Variants in SGPL1 observed in about 807,000 individuals in gnomAD.
SGPL1 encodes the protein SP-lyase 1.
SGPL1 carries 37 observed loss-of-function variants against 68.9 expected under a neutral mutation model. The observed-to-expected ratio is 0.54, with a 90% CI of 0.41 to 0.71. The LOEUF is 0.71. SGPL1 is among the 30% of genes least tolerant of loss of function. SGPL1 has a pLI of 0.00. For synonymous variants in SGPL1, 236 were observed against 248.5 expected (o/e 0.95, Z 0.47); for missense variants, 551 against 704.6 (o/e 0.78, Z 2.47).
intron 2 of SGPL1, among the ~76,000 whole-genome samples, chr10:70,828,211 T>A (rs1367146481): frequency 6.6e-6 from 1 of 152,232 alleles, no homozygotes; most frequent in African/African-American, 2.4e-5. Flanking sequence ...TATAACTTCT[T>A]GATTTAGCTT....
At chr10:70,865,752 C>T (rs1364251923) in intron 7 of SGPL1, among the ~76,000 whole-genome samples, 1 of 152,196 alleles carries the variant, frequency 6.6e-6, no homozygotes, top group Non-Finnish European at 1.5e-5. Flanking sequence ...CTTTATTTGT[C>T]TCAGTTACAA....
At chr10:70,868,850 T>C (rs748360076) in intron 8 of SGPL1, among the ~76,000 whole-genome samples, 1 of 152,338 alleles carries the variant, frequency 6.6e-6, no homozygotes, top group Admixed American at 6.5e-5. Context: ...GGGTACTCTC[T>C]GGGAAAACTT....
chr10:70,818,860 C>T (rs1426995765), intron 2 of SGPL1, among the ~76,000 whole-genome samples: 2 of 152,120 alleles, frequency 1.3e-5, no homozygotes, highest in African/African-American at 4.8e-5. Context: ...ATACTGGAAA[C>T]TATAAGTAAG....
chr10:70,849,030 T>C (rs1214248047), intron 3 of SGPL1, among the ~76,000 whole-genome samples: 1 of 152,244 alleles, frequency 6.6e-6, no homozygotes, highest in African/African-American at 2.4e-5. Flanking sequence ...GGGATCTTTT[T>C]ATTTTTAGTT....
chr10:70,844,019 A>G (rs983466289), intron 2 of SGPL1, among the ~76,000 whole-genome samples: 1 of 152,224 alleles, frequency 6.6e-6, no homozygotes, highest in African/African-American at 2.4e-5. Context: ...GCTTTGCAAC[A>G]CTTAAAATAT....
chr10:70,820,172 C>T (rs928644240), intron 2 of SGPL1: 2 of 152,102 alleles, frequency 1.3e-5, no homozygotes, highest in Non-Finnish European at 2.9e-5. Flanking sequence ...TTTTGGTATC[C>T]TTCTTTTACA....
chr10:70,831,008 C>CT, intron 2 of SGPL1, among the ~76,000 whole-genome samples: 1 of 152,228 alleles, frequency 6.6e-6, no homozygotes, highest in African/African-American at 2.4e-5. Context: ...AAACAACTCT[C>CT]TGTCATAGGG....
At chr10:70,820,095 CA>C (rs1211575233) in intron 2 of SGPL1, 1 of 152,180 alleles carries the variant, frequency 6.6e-6, no homozygotes, top group Non-Finnish European at 1.5e-5. Context: ...TGATAGCTAA[CA>C]TTTATTGAGC....
intron 2 of SGPL1, among the ~76,000 whole-genome samples, chr10:70,821,021 T>C (rs1041343207): frequency 2.0e-4 from 30 of 152,220 alleles, no homozygotes; most frequent in African/African-American, 7.2e-4. Flanking sequence ...TAACAAGCCT[T>C]GAATCCAGAC....
At chr10:70,869,653 T>A in intron 8 of SGPL1, 139 bp from the exon 9 acceptor site, 1 of 609,360 alleles carries the variant, frequency 1.6e-6, no homozygotes, top group Non-Finnish European at 2.8e-6. Flanking sequence ...AAAAGAAAAG[T>A]AGAGCAGTCT....
Position 70,875,347 on chromosome 10 carries a change from G to A in SGPL1, c.1299-55G>A, listed in dbSNP as rs1388342847. The A allele has an allele frequency of 2.7e-6, 3 of 1,123,190 alleles. No individual in the cohort carries two copies. The Admixed American group carries it at 5.2e-5, about 19-fold the overall frequency. 69.6% of individuals were successfully genotyped at this position (1,123,190 alleles called of 1,614,324 possible). On this transcript the variant is annotated intron_variant, in intron 12 of 14. Transcript: ENST00000373202. ...ATGATTAAAGAGATAGTGACCAGGG[G>A]ATTGTATGTGACTGAATTTACTTTT...
At chr10:70,826,553 T>G (rs1329682658) in intron 2 of SGPL1, among the ~76,000 whole-genome samples, 1 of 152,238 alleles carries the variant, frequency 6.6e-6, no homozygotes, top group Admixed American at 6.5e-5. Flanking sequence ...AAAGCACATA[T>G]CTACATTTTA....
intron 5 of SGPL1, among the ~76,000 whole-genome samples, chr10:70,855,600 T>A (rs1473416734): frequency 6.6e-6 from 1 of 152,244 alleles, no homozygotes; most frequent in East Asian, 1.9e-4. Context: ...CATGTATAAA[T>A]GTTTTATAGT....
At chr10:70,870,238 C>G (rs1433494531) in intron 9 of SGPL1, among the ~76,000 whole-genome samples, 1 of 152,130 alleles carries the variant, frequency 6.6e-6, no homozygotes, top group Non-Finnish European at 1.5e-5. Context: ...TGGCTCACAT[C>G]TGTAATCCCA....
At chr10:70,857,728 G>T (rs770759071) in intron 6 of SGPL1, 38 bp downstream of exon 6, 9 of 1,425,762 alleles carry the variant, frequency 6.3e-6, no homozygotes, top group Non-Finnish European at 8.7e-6. Flanking sequence ...TGTGAGGTCT[G>T]TGCCAGTTTA....
chr10:70,871,292 G>A (rs1316069914), intron 10 of SGPL1, 146 bp downstream of exon 10: 17 of 563,262 alleles, frequency 3.0e-5, no homozygotes, highest in Non-Finnish European at 2.5e-5. Flanking sequence ...CCTAGGGGAA[G>A]CCCTGCAGCT....
chr10:70,838,143 A>G lies in SGPL1; in HGVS notation c.28-6330A>G, dbSNP rs915942627. ...GTTAGCCCTGTTGAGTAATGGAGAA[A>G]GGATTGTATTAGTTCCAAGGAAAGA... On this transcript the variant is annotated intron_variant, in intron 2 of 14. Coordinates refer to ENST00000373202, the MANE Select transcript of SGPL1 (RefSeq NM_003901.4). Among the ~76,000 whole-genome samples, 3 of 152,322 alleles carry G rather than the reference A, an allele frequency of 2.0e-5. No homozygotes were observed. The East Asian group carries it at 5.8e-4, about 29-fold the overall frequency.
chr10:70,823,286 C>T (rs1453407752), intron 2 of SGPL1, among the ~76,000 whole-genome samples: 7 of 151,300 alleles, frequency 4.6e-5, no homozygotes, highest in Non-Finnish European at 2.9e-5. Context: ...AATCACACCA[C>T]ATTAAATCAG....
At chr10:70,862,192 C>T (rs1358937839) in intron 7 of SGPL1, among the ~76,000 whole-genome samples, 1 of 152,246 alleles carries the variant, frequency 6.6e-6, no homozygotes, top group Non-Finnish European at 1.5e-5. Context: ...AATCGGCACT[C>T]TGTATCTAGC....
Sources: gnomAD v4.1 joint callset for allele counts (sites outside exome capture counted in the v4.1 genomes callset) on GRCh38, gnomAD v4.1.1 for gene constraint, MANE v1.5 for transcripts, NCBI Gene and HGNC (gene_info 2026-07-23, HGNC 2026-07-21) for gene names.